TMEM178B: variants seen among roughly 807,000 people sequenced by gnomAD.
The protein encoded by TMEM178B is transmembrane protein 178B.
Under a neutral mutation model 31.0 loss-of-function variants are expected in TMEM178B, and 5 were observed. The observed-to-expected ratio is 0.16, with a 90% CI of 0.08 to 0.34. The LOEUF (loss-of-function observed/expected upper bound fraction) is 0.34. Ranked by LOEUF, TMEM178B falls within the 10% of genes least tolerant of loss-of-function variation. The probability of loss-of-function intolerance (pLI) is 1.00; values close to 1 mark genes in which losing one functional copy is unlikely to be tolerated. For missense variants in TMEM178B, 275 were observed against 400.3 expected (o/e 0.69, Z 2.67); for synonymous variants, 164 against 164.0 (o/e 1.00, Z 0.00).
At chr7:141,208,365 A>G (rs939088216) in intron 1 of TMEM178B, among the ~76,000 whole-genome samples, 1 of 152,172 alleles carries the variant, frequency 6.6e-6, no homozygotes, top group Non-Finnish European at 1.5e-5. Context: ...CCTTCCTTCC[A>G]GGTAGCCCCT....
intron 2 of TMEM178B, among the ~76,000 whole-genome samples, chr7:141,213,472 C>A (rs1338851090): frequency 6.6e-6 from 1 of 152,240 alleles, no homozygotes; most frequent in African/African-American, 2.4e-5. Context: ...CTACTGTCAG[C>A]AGGTTCATGC....
chr7:141,377,340 C>A (rs1016898960), intron 2 of TMEM178B, among the ~76,000 whole-genome samples: 1 of 151,944 alleles, frequency 6.6e-6, no homozygotes, highest in Non-Finnish European at 1.5e-5. Context: ...CTTACCACCA[C>A]GCCCAGCTAA....
At chr7:141,435,043 G>A (rs1249044779) in intron 2 of TMEM178B, among the ~76,000 whole-genome samples, 1 of 152,094 alleles carries the variant, frequency 6.6e-6, no homozygotes, top group Non-Finnish European at 1.5e-5. Context: ...AAAAACACAT[G>A]AATCAATGAA....
intron 2 of TMEM178B, among the ~76,000 whole-genome samples, chr7:141,261,040 C>G (rs1054290299): frequency 6.6e-6 from 1 of 152,180 alleles, no homozygotes; most frequent in Non-Finnish European, 1.5e-5. Context: ...AACCCAAGAT[C>G]AGCCTTAGTG....
intron 1 of TMEM178B, among the ~76,000 whole-genome samples, chr7:141,144,103 A>C (rs1795815849): frequency 6.6e-6 from 1 of 152,228 alleles, no homozygotes; most frequent in Non-Finnish European, 1.5e-5. Context: ...CTTGTTTAGC[A>C]GTTCCAGGAG....
intron 1 of TMEM178B, among the ~76,000 whole-genome samples, chr7:141,130,893 A>G (rs1263366618): frequency 6.6e-6 from 1 of 152,234 alleles, no homozygotes; most frequent in Non-Finnish European, 1.5e-5. Flanking sequence ...CCTTTTAAGT[A>G]CAAACTGAGT....
At chr7:141,175,454 T>C (rs1381927336) in intron 1 of TMEM178B, among the ~76,000 whole-genome samples, 1 of 152,220 alleles carries the variant, frequency 6.6e-6, no homozygotes, top group African/African-American at 2.4e-5. Flanking sequence ...TGCCCTTTTT[T>C]GGTTCCATAT....
intron 1 of TMEM178B, among the ~76,000 whole-genome samples, chr7:141,079,067 A>C (rs919184596): frequency 6.6e-6 from 1 of 152,198 alleles, no homozygotes; most frequent in Non-Finnish European, 1.5e-5. Context: ...CAGGTGAATC[A>C]CTTGAGTTCA....
intron 3 of TMEM178B, among the ~76,000 whole-genome samples, chr7:141,443,236 A>G (rs1329302687): frequency 6.6e-6 from 1 of 152,222 alleles, no homozygotes; most frequent in African/African-American, 2.4e-5. Flanking sequence ...AACATGTTAC[A>G]TGATTATGAT....
At chr7:141,288,693 A>T (rs1798492481) in intron 2 of TMEM178B, among the ~76,000 whole-genome samples, 1 of 152,056 alleles carries the variant, frequency 6.6e-6, no homozygotes, top group Non-Finnish European at 1.5e-5. Context: ...ATGCTTTGAA[A>T]CTATGAGCTC....
chr7:141,496,526 C>CCCGTCTCTACTAAAA, the TMEM178B span, among the ~76,000 whole-genome samples: 4 of 148,958 alleles, frequency 2.7e-5, no homozygotes, highest in African/African-American at 1.0e-4. Flanking sequence ...AAAAATTAGC[C>CCCGTCTCTACTAAAA]AGGTGTAGTG....
chr7:141,290,217 G>C (rs1438213209), intron 2 of TMEM178B, among the ~76,000 whole-genome samples: 1 of 152,192 alleles, frequency 6.6e-6, no homozygotes, highest in Non-Finnish European at 1.5e-5. Context: ...TAAACTCTTG[G>C]GAGAAAGCAT....
chr7:141,378,712 A>G (rs572137024), intron 2 of TMEM178B, among the ~76,000 whole-genome samples: 4 of 152,350 alleles, frequency 2.6e-5, no homozygotes, highest in East Asian at 3.9e-4. Context: ...ATTTCACTTT[A>G]TTCAAGAGGT....
intron 2 of TMEM178B, among the ~76,000 whole-genome samples, chr7:141,285,056 T>TAA (rs144032381): frequency 1.5e-4 from 21 of 136,318 alleles, no homozygotes; most frequent in African/African-American, 1.6e-4. Flanking sequence ...GAAAGCTCTT[T>TAA]AAAAAAAAAA....
At chr7:141,423,295 C>T (rs980052508) in intron 2 of TMEM178B, among the ~76,000 whole-genome samples, 10 of 152,202 alleles carry the variant, frequency 6.6e-5, no homozygotes, top group African/African-American at 2.4e-4. Context: ...TCCCAAAGTG[C>T]TGGGATTACA....
chr7:141,361,243 A>G (rs1799913757), intron 2 of TMEM178B, among the ~76,000 whole-genome samples: 2 of 152,182 alleles, frequency 1.3e-5, no homozygotes, highest in South Asian at 2.1e-4. Flanking sequence ...AGAAGCAAGT[A>G]TCACAGGGCC....
chr7:141,293,989 A>G (rs544273624), intron 2 of TMEM178B, among the ~76,000 whole-genome samples: 22 of 152,192 alleles, frequency 1.4e-4, no homozygotes, highest in African/African-American at 4.8e-4. Flanking sequence ...TGACATTTCT[A>G]CCCCCTGCAA....
At chr7:141,339,603 A>G (rs1297950664) in intron 2 of TMEM178B, among the ~76,000 whole-genome samples, 1 of 152,248 alleles carries the variant, frequency 6.6e-6, no homozygotes, top group Admixed American at 6.5e-5. Flanking sequence ...AATGGAATAG[A>G]AAAATGAGGA....
chr7:141,212,786 T>G lies in TMEM178B; in HGVS notation c.496+82T>G. 3 of 1,110,364 alleles carry G rather than the reference T, an allele frequency of 2.7e-6. No homozygotes were observed. In the South Asian group the frequency reaches 4.0e-5, roughly 15 times the overall value. 68.8% of individuals were successfully genotyped at this position (1,110,364 alleles called of 1,614,324 possible). On this transcript the variant is annotated intron_variant, in intron 2 of 3. Transcript: ENST00000565468. ...GATTGGAGGATTGGATGTGCCTCCT[T>G]CTGGGATCTGTGGATGGTCTCAGAA...
Sources: allele counts gnomAD v4.1 joint callset (sites outside exome capture counted in the v4.1 genomes callset), GRCh38; gene constraint gnomAD v4.1.1; transcripts MANE v1.5; gene names NCBI Gene and HGNC (gene_info 2026-07-23, HGNC 2026-07-21).